The following GADL1 variants were observed in gnomAD, a reference collection of about 807,000 sequenced individuals.
The protein encoded by GADL1 is GAD like acidic amino acid decarboxylase 1.
A neutral mutation model predicts 69.5 loss-of-function variants in GADL1; 71 were observed. That is an observed-to-expected ratio of 1.02 (90% CI 0.84 to 1.25). The LOEUF is 1.25. Among genes scored for constraint, GADL1 ranks in the 50% most tolerant of loss-of-function variants. The probability of loss-of-function intolerance (pLI) is 0.00; values close to 1 mark genes in which losing one functional copy is unlikely to be tolerated. For missense variants in GADL1, 737 were observed against 631.8 expected, an observed-to-expected ratio of 1.17 and a Z score of -1.79; for synonymous variants, 254 against 214.4, an observed-to-expected ratio of 1.18 and a Z score of -1.62.
intron 11 of GADL1, among the ~76,000 whole-genome samples, chr3:30,814,896 G>A (rs1559507382): frequency 6.6e-6 from 1 of 151,810 alleles, no homozygotes; most frequent in Non-Finnish European, 1.5e-5. Context: ...CCTGGGAGGC[G>A]GAGATTTCAA....
intron 14 of GADL1, among the ~76,000 whole-genome samples, chr3:30,762,007 GTGAGTACAGGTCTTGCAATGTGA>G (rs1207136686): frequency 6.6e-6 from 1 of 152,202 alleles, no homozygotes; most frequent in African/African-American, 2.4e-5. Context: ...AGCCGAGACA[GTGAGTACAGGTCTTGCAATGTGA>G]CGTGGGTAGG....
At chr3:30,751,527 C>T (rs192607430) in intron 14 of GADL1, among the ~76,000 whole-genome samples, 185 of 150,834 alleles carry the variant, frequency 1.2e-3, no homozygotes, top group Non-Finnish European at 2.0e-3. Flanking sequence ...TGCTATTTGC[C>T]TATGAAAATA....
rs2125467069 is a variant in GADL1, at chr3:30,728,208, T to C, written c.*34A>G. The stretch of plus-strand genomic sequence containing the variant: ...GTTCTGGATCTAAACTCTCCCAGGA[T>C]AGGATCTATGCCTCTGGGGGACCAA... On this transcript the variant is annotated 3_prime_UTR_variant, in exon 15 of 15. Transcript: ENST00000282538. The C allele has an allele frequency of 1.3e-6, 2 of 1,580,514 alleles. No individual in the cohort carries two copies. Among genetic ancestry groups the C allele is most frequent in the Non-Finnish European group, 1.7e-6 (2 of 1,150,258 alleles).
chr3:30,750,987 G>A (rs932290834), intron 14 of GADL1, among the ~76,000 whole-genome samples: 6 of 152,140 alleles, frequency 3.9e-5, no homozygotes, highest in Non-Finnish European at 7.3e-5. Flanking sequence ...AGAGAAAGAA[G>A]TAAAGAACTA....
In GADL1 at chr3:30,838,984, T is replaced by G; in HGVS notation, c.903+13A>C. On this transcript the variant is annotated intron_variant, in intron 9 of 14. Transcript: ENST00000282538. ...CAAAGGTTAAACAGGTATGTACACA[T>G]AAATGAACTTACATCTACATGAAGC... 6.7e-7 allele frequency: 1 copy of G among 1,494,066 alleles called. No individual in the cohort carries two copies. The highest frequency in any genetic ancestry group is 9.2e-7 in the Non-Finnish European group (1 of 1,083,088). 92.6% of individuals were successfully genotyped at this position (1,494,066 alleles called of 1,614,324 possible).
intron 10 of GADL1, 46 bp downstream of exon 10, chr3:30,834,171 C>A (rs747659308): frequency 5.6e-6 from 8 of 1,422,440 alleles, no homozygotes; most frequent in Non-Finnish European, 7.9e-6. Flanking sequence ...CAAAGAGATC[C>A]CTTTGCCTGA....
In GADL1 at chr3:30,844,485, T is replaced by G. The variant is rs146755020; in HGVS notation, c.652-19A>C. 2,807 of 1,510,128 alleles carry G rather than the reference T, an allele frequency of 1.9e-3. 14 individuals are homozygous for G. The highest frequency in any genetic ancestry group is 7.8e-3 in the South Asian group (691 of 88,694). 93.5% of individuals were successfully genotyped at this position (1,510,128 alleles called of 1,614,324 possible). ...AATGACACTGAATTCAAAGGGACAG[T>G]GGGGAAGGGGGAGACATGAAAACAT... On this transcript the variant is annotated intron_variant, in intron 6 of 14. Coordinates refer to ENST00000282538, the MANE Select transcript of GADL1 (RefSeq NM_207359.3).
chr3:30,842,075 G>A (rs1232034430), intron 8 of GADL1, among the ~76,000 whole-genome samples: 1 of 152,220 alleles, frequency 6.6e-6, no homozygotes, highest in East Asian at 1.9e-4. Context: ...GTAGTGGGGG[G>A]AAAGAGGAGG....
At chr3:30,807,706 G>T (rs1400595566) in intron 11 of GADL1, among the ~76,000 whole-genome samples, 1 of 152,178 alleles carries the variant, frequency 6.6e-6, no homozygotes, top group African/African-American at 2.4e-5. Context: ...AGTTGGTGTG[G>T]GGGATGGAAG....
At chr3:30,764,418 G>A (rs1160010028) in intron 14 of GADL1, among the ~76,000 whole-genome samples, 1 of 152,080 alleles carries the variant, frequency 6.6e-6, no homozygotes, top group African/African-American at 2.4e-5. Flanking sequence ...GAAACTACAA[G>A]ACTCCAGTGC....
chr3:30,834,339 T>G, intron 9 of GADL1, 58 bp from the exon 10 acceptor site: 1 of 1,440,990 alleles, frequency 6.9e-7, no homozygotes, highest in Non-Finnish European at 9.7e-7. Flanking sequence ...TGTTTACCAG[T>G]GGGTTGTCAT....
intron 1 of GADL1, among the ~76,000 whole-genome samples, chr3:30,887,305 T>A (rs1261643560): frequency 6.6e-6 from 1 of 152,218 alleles, no homozygotes; most frequent in Non-Finnish European, 1.5e-5. Flanking sequence ...GTGGCAGTAC[T>A]AAGAGGTGGG....
chr3:30,807,701 G>C (rs1409246137), intron 11 of GADL1, among the ~76,000 whole-genome samples: 1 of 152,202 alleles, frequency 6.6e-6, no homozygotes, highest in Non-Finnish European at 1.5e-5. Context: ...TGTGTAGTTG[G>C]TGTGGGGGAT....
chr3:30,865,251 A>G (rs916993701), intron 1 of GADL1, among the ~76,000 whole-genome samples: 5 of 151,276 alleles, frequency 3.3e-5, no homozygotes, highest in African/African-American at 1.2e-4. Flanking sequence ...CAGAGCAGTG[A>G]CTACCATGGG....
At chr3:30,804,493 A>G (rs1241591339) in intron 11 of GADL1, among the ~76,000 whole-genome samples, 1 of 152,190 alleles carries the variant, frequency 6.6e-6, no homozygotes, top group Admixed American at 6.5e-5. Context: ...TGTAGCAAGA[A>G]TCTTGCTAGT....
intron 11 of GADL1, among the ~76,000 whole-genome samples, chr3:30,813,239 ATAT>A (rs1473141824): frequency 6.6e-6 from 1 of 152,208 alleles, no homozygotes; most frequent in Admixed American, 6.5e-5. Context: ...GAGGATAATA[ATAT>A]TGCACTGCAG....
chr3:30,737,188 C>A (rs901207853), intron 14 of GADL1, among the ~76,000 whole-genome samples: 1 of 152,220 alleles, frequency 6.6e-6, no homozygotes, highest in South Asian at 2.1e-4. Context: ...CCCAAATGCT[C>A]TTTTTCATGA....
chr3:30,844,214 T>C lies in GADL1; in HGVS notation c.782A>G (p.Lys261Arg), dbSNP rs746070023. Residue 261 changes from lysine to arginine, a missense_variant, in exon 8 of 15, where the codon AAA (lysine) becomes AGA (arginine). Coordinates refer to ENST00000282538, the MANE Select transcript of GADL1 (RefSeq NM_207359.3). Reference protein sequence around the residue: ...ELEKQVWQARKEGAAPFLVCA... With the variant: ...ELEKQVWQARREGAAPFLVCA... ...TCTCGCTTTCTCCCCTCTCACCTCT[T>C]TTCTGGCTTGCCAGACTTGCTTCTC... is the stretch of plus-strand genomic sequence containing the variant. 7.4e-6 allele frequency: 12 copies of C among 1,612,422 alleles called. No homozygotes were observed. Among genetic ancestry groups the C allele is most frequent in the Middle Eastern group, 1.7e-4 (1 of 6,060 alleles).
chr3:30,773,971 G>C (rs1171426371), intron 14 of GADL1, among the ~76,000 whole-genome samples: 1 of 152,102 alleles, frequency 6.6e-6, no homozygotes, highest in African/African-American at 2.4e-5. Context: ...AAGATATCCA[G>C]TACCCAATTT....
Sources: allele counts gnomAD v4.1 joint callset (sites outside exome capture counted in the v4.1 genomes callset), GRCh38; gene constraint gnomAD v4.1.1; transcripts MANE v1.5; gene names NCBI Gene and HGNC (gene_info 2026-07-23, HGNC 2026-07-21).